The following CEP120 variants were observed in gnomAD, a reference collection of about 807,000 sequenced individuals.
CEP120 encodes the protein centrosomal protein of 120 kDa.
In CEP120, 113 loss-of-function variants were observed where a neutral mutation model predicts 126.5. That is an observed-to-expected ratio of 0.89 (90% CI 0.77 to 1.04). The LOEUF is 1.04. Among genes scored for constraint, CEP120 ranks in the 50% least tolerant of loss-of-function variants. The pLI is 0.00. For missense variants in CEP120, 1,230 were observed against 1,155.7 expected, an observed-to-expected ratio of 1.06 and a Z score of -0.93; for synonymous variants, 400 against 394.3, an observed-to-expected ratio of 1.01 and a Z score of -0.17.
In CEP120 at chr5:123,415,431, C is replaced by T. The variant is rs79769610; in HGVS notation, c.321+579G>A. Among the ~76,000 whole-genome samples the T allele has an allele frequency of 4.1e-3, 626 of 152,300 alleles. 6 individuals are homozygous for T. The highest frequency in any genetic ancestry group is 0.014 in the African/African-American group (595 of 41,560). On this transcript the variant is annotated intron_variant, in intron 3 of 19. Transcript: ENST00000306467. Reference sequence around the variant, plus strand: ...GGATGAACCACCTTTAAAAGGAAAGCTCAGGGGCTAGGCATGTTAAGCTTC... The same window carrying T: ...GGATGAACCACCTTTAAAAGGAAAGTTCAGGGGCTAGGCATGTTAAGCTTC...
At chr5:123,381,333 G>A (rs1186662762) in intron 14 of CEP120, among the ~76,000 whole-genome samples, 1 of 151,868 alleles carries the variant, frequency 6.6e-6, no homozygotes, top group African/African-American at 2.4e-5. Context: ...GACCAGAGAG[G>A]CTGAGGCAAC....
At chr5:123,401,728 A>T (rs9763676) in intron 4 of CEP120, 2 of 1,303,520 alleles carry the variant, frequency 1.5e-6, no homozygotes, top group African/African-American at 1.5e-5. Context: ...CTACCTTGTT[A>T]ATGTAAGCTT....
At chr5:123,419,577 T>C (rs1176332435) in intron 1 of CEP120, among the ~76,000 whole-genome samples, 1 of 151,834 alleles carries the variant, frequency 6.6e-6, no homozygotes, top group Non-Finnish European at 1.5e-5. Flanking sequence ...CAGAATACTT[T>C]CCAAATTAGC....
intron 4 of CEP120, chr5:123,401,410 G>T: frequency 7.0e-7 from 1 of 1,429,374 alleles, no homozygotes; most frequent in Non-Finnish European, 9.9e-7. Flanking sequence ...TGATGTTCCG[G>T]TTCATCTCGG....
chr5:123,418,279 A>G, intron 2 of CEP120, 80 bp downstream of exon 2: 1 of 1,310,518 alleles, frequency 7.6e-7, no homozygotes. Context: ...CCCAAGTATT[A>G]AATACTCAAA....
intron 17 of CEP120, among the ~76,000 whole-genome samples, chr5:123,371,767 C>T (rs1183626745): frequency 6.6e-6 from 1 of 152,080 alleles, no homozygotes; most frequent in Admixed American, 6.6e-5. Context: ...ACTGGTCTTC[C>T]GCTAGTGCCC....
chr5:123,379,978 C>T (rs1771526784), intron 14 of CEP120, among the ~76,000 whole-genome samples: 1 of 152,076 alleles, frequency 6.6e-6, no homozygotes, highest in African/African-American at 2.4e-5. Flanking sequence ...ATCTGACAGG[C>T]AGTCATATGT....
chr5:123,348,744 T>C (rs995629527), intron 19 of CEP120, among the ~76,000 whole-genome samples: 3 of 152,180 alleles, frequency 2.0e-5, no homozygotes, highest in Non-Finnish European at 4.4e-5. Context: ...TCTAATGTGA[T>C]GGTATTTGGA....
chr5:123,391,672 CA>C (rs1006538284), intron 6 of CEP120, among the ~76,000 whole-genome samples: 3 of 151,348 alleles, frequency 2.0e-5, no homozygotes, highest in Admixed American at 6.6e-5. Flanking sequence ...TGAATTTAAA[CA>C]AAAAAAACAA....
intron 2 of CEP120, among the ~76,000 whole-genome samples, chr5:123,416,519 C>T (rs1006809300): frequency 1.3e-5 from 2 of 151,862 alleles, no homozygotes; most frequent in Admixed American, 1.3e-4. Flanking sequence ...TGCAGTGAGC[C>T]GAGATCGCGC....
intron 1 of CEP120, among the ~76,000 whole-genome samples, chr5:123,420,897 G>C (rs1774669866): frequency 6.6e-6 from 1 of 152,178 alleles, no homozygotes; most frequent in African/African-American, 2.4e-5. Context: ...AGTGAATCCA[G>C]GCTGAGGATG....
At position 123,422,957 on chromosome 5, in the gene CEP120, G is replaced by C; in HGVS notation, c.42C>G (p.Ile14Met). ...AAGCCTCAGGCTGCTCACCTTCTAG[G>C]ATGGACACGACGATGAGCAATTGGT... Reference protein sequence around the residue: ...KSDQLLIVVSILEGRHFPKRP... With the variant: ...KSDQLLIVVSMLEGRHFPKRP... Residue 14 changes from isoleucine to methionine, a missense_variant, in exon 1 of 20, where the codon ATC becomes ATG. Coordinates refer to ENST00000306467, the MANE Select transcript of CEP120 (RefSeq NM_001375405.1). 6.2e-7 allele frequency: 1 copy of C among 1,614,150 alleles called. No individual in the cohort carries two copies. Among genetic ancestry groups the C allele is most frequent in the Non-Finnish European group, 8.5e-7 (1 of 1,179,996 alleles).
intron 18 of CEP120, among the ~76,000 whole-genome samples, chr5:123,350,330 C>T (rs989539025): frequency 3.3e-5 from 5 of 152,186 alleles, no homozygotes; most frequent in African/African-American, 4.8e-5. Flanking sequence ...CCTCCTGCTT[C>T]GGCCTCTGGG....
intron 3 of CEP120, among the ~76,000 whole-genome samples, chr5:123,414,323 T>C (rs1408762277): frequency 2.0e-5 from 3 of 152,200 alleles, no homozygotes; most frequent in Non-Finnish European, 2.9e-5. Context: ...TAAGATCTAG[T>C]GGCAGAGAGG....
At position 123,399,189 on chromosome 5, in the gene CEP120, T is replaced by G. The variant is rs764865440; in HGVS notation, c.559A>C (p.Thr187Pro). The G allele has an allele frequency of 6.2e-7, 1 of 1,613,900 alleles. No individual in the cohort carries two copies. The highest frequency in any genetic ancestry group is 1.3e-5 in the African/African-American group (1 of 74,934). Residue 187 changes from threonine to proline, a missense_variant, in exon 5 of 20, where the codon ACT becomes CCT. Physicochemically the swap from Thr to Pro is conservative, Grantham distance 38. Coordinates refer to ENST00000306467, the MANE Select transcript of CEP120 (RefSeq NM_001375405.1). ...YHQIGPAEYCTDSFIMSVTIA... is the reference protein window; with the variant it reads ...YHQIGPAEYCPDSFIMSVTIA... ...GTCACTGACATAATAAAGGAGTCAG[T>G]ACAGTATTCTGCTGGTCCAATCTGA...
intron 2 of CEP120, among the ~76,000 whole-genome samples, chr5:123,418,014 A>T (rs1008482797): frequency 6.6e-6 from 1 of 152,236 alleles, no homozygotes; most frequent in Non-Finnish European, 1.5e-5. Context: ...CAAAATTTAT[A>T]GGTTGAACAT....
chr5:123,382,303 T>C, intron 13 of CEP120, 103 bp from the exon 14 acceptor site: 1 of 541,962 alleles, frequency 1.8e-6, no homozygotes, highest in Non-Finnish European at 3.1e-6. Flanking sequence ...AATATGATTT[T>C]TTCAGGCATT....
At chr5:123,349,804 G>A (rs1580621558) in intron 19 of CEP120, 140 bp downstream of exon 19, 1 of 669,110 alleles carries the variant, frequency 1.5e-6, no homozygotes, top group African/African-American at 1.8e-5. Context: ...GTACCCAGCT[G>A]GCATAGATTT....
intron 6 of CEP120, among the ~76,000 whole-genome samples, chr5:123,392,718 C>T (rs550465182): frequency 1.3e-5 from 2 of 152,222 alleles, no homozygotes; most frequent in East Asian, 1.9e-4. Flanking sequence ...CTATGTTGCC[C>T]AGGCTATTCT....
Sources: allele counts gnomAD v4.1 joint callset (sites outside exome capture counted in the v4.1 genomes callset), GRCh38; gene constraint gnomAD v4.1.1; transcripts MANE v1.5; gene names NCBI Gene and HGNC (gene_info 2026-07-23, HGNC 2026-07-21).